Variants in DIAPH3 observed in about 807,000 individuals in gnomAD.
The protein encoded by DIAPH3 is diaphanous related formin 3.
DIAPH3 carries 117 observed loss-of-function variants against 144.3 expected under a neutral mutation model. That is an observed-to-expected ratio of 0.81 (90% CI 0.70 to 0.95). DIAPH3 has a LOEUF of 0.95. Among genes scored for constraint, DIAPH3 ranks in the 40% least tolerant of loss-of-function variants. The pLI is 0.00. For missense variants in DIAPH3, 1,421 were observed against 1,412.7 expected (o/e 1.01, Z -0.09); for synonymous variants, 519 against 488.9 (o/e 1.06, Z -0.81).
chr13:60,080,274 T>C, intron 4 of DIAPH3, among the ~76,000 whole-genome samples: 1 of 151,908 alleles, frequency 6.6e-6, no homozygotes. Flanking sequence ...TCACCATTTT[T>C]CTACTTTATT....
intron 20 of DIAPH3, among the ~76,000 whole-genome samples, chr13:59,900,311 T>C (rs560011649): frequency 6.6e-6 from 1 of 152,312 alleles, no homozygotes; most frequent in East Asian, 1.9e-4. Flanking sequence ...TTTTCTTCCA[T>C]ATGAGAGCAA....
chr13:59,714,607 T>TA (rs371449057), intron 27 of DIAPH3, among the ~76,000 whole-genome samples: 63 of 152,270 alleles, frequency 4.1e-4, no homozygotes, highest in African/African-American at 1.4e-3. Context: ...CTTTACCTTT[T>TA]TTTTGTCCCC....
intron 4 of DIAPH3, among the ~76,000 whole-genome samples, chr13:60,081,617 T>C (rs914477518): frequency 2.6e-5 from 4 of 151,842 alleles, no homozygotes; most frequent in Non-Finnish European, 5.9e-5. Flanking sequence ...CCCAACAATA[T>C]TGAGTGACAA....
chr13:60,100,946 G>A (rs1305105675), intron 3 of DIAPH3, among the ~76,000 whole-genome samples: 1 of 152,122 alleles, frequency 6.6e-6, no homozygotes, highest in Non-Finnish European at 1.5e-5. Context: ...GTCAGACACA[G>A]GTAACAGAAT....
chr13:60,162,805 TCTCTCACACACA>T (rs1171038372), intron 1 of DIAPH3, among the ~76,000 whole-genome samples: 23 of 136,534 alleles, frequency 1.7e-4, no homozygotes, highest in Admixed American at 6.1e-4. Context: ...TCTCTCTCTC[TCTCTCACACACA>T]CACACACACA....
At chr13:60,083,471 G>C (rs1474321974) in intron 4 of DIAPH3, among the ~76,000 whole-genome samples, 1 of 151,864 alleles carries the variant, frequency 6.6e-6, no homozygotes, top group Non-Finnish European at 1.5e-5. Flanking sequence ...TCTTGGTAAA[G>C]AGATGAAACC....
chr13:59,861,007 C>T (rs2043545998), intron 22 of DIAPH3, among the ~76,000 whole-genome samples: 1 of 152,002 alleles, frequency 6.6e-6, no homozygotes. Context: ...ATTTGGTACT[C>T]AGGTAAGTAG....
chr13:59,698,549 TA>T (rs2033937599), intron 27 of DIAPH3, among the ~76,000 whole-genome samples: 1 of 152,194 alleles, frequency 6.6e-6, no homozygotes, highest in African/African-American at 2.4e-5. Flanking sequence ...AATACTTAAC[TA>T]AGCAAAAATC....
At position 59,753,471 on chromosome 13, in the gene DIAPH3, A is replaced by C. The variant is rs867310315; in HGVS notation, c.3319+20718T>G. Among the ~76,000 whole-genome samples the C allele has an allele frequency of 1.2e-4, 19 of 152,290 alleles. No homozygotes were observed. The Middle Eastern group carries it at 0.01, about 82-fold the overall frequency. The stretch of plus-strand genomic sequence containing the variant: ...TCAAAAGTGTACTGCATGGGGGAAA[A>C]CTGCTTTGAACATGTTTGAGCAGTA... On this transcript the variant is annotated intron_variant, in intron 27 of 27. Coordinates refer to ENST00000400324, the MANE Select transcript of DIAPH3 (RefSeq NM_001042517.2).
At chr13:60,067,591 C>T (rs981340594) in intron 4 of DIAPH3, among the ~76,000 whole-genome samples, 7 of 152,100 alleles carry the variant, frequency 4.6e-5, no homozygotes, top group African/African-American at 1.7e-4. Context: ...TCAAACTATG[C>T]CTGGAGATTT....
intron 17 of DIAPH3, among the ~76,000 whole-genome samples, chr13:59,940,333 G>A (rs1276175541): frequency 2.6e-5 from 4 of 152,094 alleles, no homozygotes; most frequent in Admixed American, 2.6e-4. Context: ...ATCCCTTACT[G>A]TAAACTCCCC....
At chr13:60,162,714 TCC>T (rs1952350348) in intron 1 of DIAPH3, among the ~76,000 whole-genome samples, 1 of 152,014 alleles carries the variant, frequency 6.6e-6, no homozygotes, top group South Asian at 2.1e-4. Context: ...AAACCATTAT[TCC>T]CTTAATTTGT....
At chr13:59,767,456 A>G (rs1173758215) in intron 27 of DIAPH3, among the ~76,000 whole-genome samples, 1 of 152,136 alleles carries the variant, frequency 6.6e-6, no homozygotes, top group Non-Finnish European at 1.5e-5. Flanking sequence ...TTTTGGGAGA[A>G]ATTTGAGGAA....
At chr13:59,902,382 C>T (rs1040226532) in intron 20 of DIAPH3, among the ~76,000 whole-genome samples, 4 of 152,156 alleles carry the variant, frequency 2.6e-5, no homozygotes, top group Non-Finnish European at 5.9e-5. Flanking sequence ...TTCCCCTACA[C>T]CTTCCACCAT....
Position 60,018,740 on chromosome 13 carries a change from T to C in DIAPH3, c.627-2595A>G, listed in dbSNP as rs895951706. On this transcript the variant is annotated intron_variant, in intron 5 of 27. Transcript: ENST00000400324. ...TTCTCAACAACAATAAAATGAGAGT[T>C]GGGCAATGGCCTTCTGAAAACCAGA... 1.3e-5 allele frequency among the ~76,000 whole-genome samples: 2 copies of C among 152,142 alleles called. 1 individual carries two copies. Among genetic ancestry groups the C allele is most frequent in the South Asian group, 4.1e-4 (2 of 4,830 alleles).
At chr13:59,755,605 C>A (rs921592969) in intron 27 of DIAPH3, among the ~76,000 whole-genome samples, 5 of 152,104 alleles carry the variant, frequency 3.3e-5, no homozygotes, top group African/African-American at 4.8e-5. Context: ...ATGAAACAAT[C>A]TGTTACTTGT....
At chr13:59,955,172 C>A (rs1218535394) in intron 17 of DIAPH3, among the ~76,000 whole-genome samples, 1 of 151,092 alleles carries the variant, frequency 6.6e-6, no homozygotes, top group Non-Finnish European at 1.5e-5. Flanking sequence ...ATGAAAAATT[C>A]TATTATAAAA....
intron 25 of DIAPH3, among the ~76,000 whole-genome samples, chr13:59,792,649 C>T (rs1021446741): frequency 3.3e-5 from 5 of 152,188 alleles, no homozygotes; most frequent in African/African-American, 1.2e-4. Flanking sequence ...CTTTTCCTCT[C>T]TCTCTTTTCC....
At chr13:59,885,283 AT>A (rs2045360855) in intron 20 of DIAPH3, among the ~76,000 whole-genome samples, 1 of 152,046 alleles carries the variant, frequency 6.6e-6, no homozygotes, top group Admixed American at 6.6e-5. Context: ...CCCCAGAATC[AT>A]ATTAGTGTCT....
Sources: gnomAD v4.1 joint callset for allele counts (sites outside exome capture counted in the v4.1 genomes callset) on GRCh38, gnomAD v4.1.1 for gene constraint, MANE v1.5 for transcripts, NCBI Gene and HGNC (gene_info 2026-07-23, HGNC 2026-07-21) for gene names.